NDE1: variants seen among roughly 807,000 people sequenced by gnomAD.
NDE1 encodes nuclear distribution protein nudE homolog 1.
In NDE1, 28 loss-of-function variants were observed where a neutral mutation model predicts 43.4. That is an observed-to-expected ratio of 0.65 (90% CI 0.48 to 0.89). The LOEUF (loss-of-function observed/expected upper bound fraction) is 0.89. Among genes scored for constraint, NDE1 ranks in the 40% least tolerant of loss-of-function variants. The pLI is 0.00. For missense variants in NDE1, 441 were observed against 434.1 expected, an observed-to-expected ratio of 1.02 and a Z score of -0.14; for synonymous variants, 184 against 172.0, an observed-to-expected ratio of 1.07 and a Z score of -0.55.
At chr16:15,679,817 C>G (rs942566021) in intron 4 of NDE1, among the ~76,000 whole-genome samples, 2 of 152,024 alleles carry the variant, frequency 1.3e-5, no homozygotes, top group Admixed American at 6.6e-5. Flanking sequence ...CTTGCTCTGT[C>G]GCCCAGGCTG....
intron 1 of NDE1, among the ~76,000 whole-genome samples, chr16:15,662,280 CTTT>C (rs774915905): frequency 2.4e-5 from 3 of 124,950 alleles, no homozygotes; most frequent in Admixed American, 8.2e-5. Flanking sequence ...TTTCTCTTTT[CTTT>C]TTTTTTTTTT....
intron 8 of NDE1, chr16:15,717,366 G>A (rs1006983136): frequency 2.5e-6 from 4 of 1,602,898 alleles, no homozygotes; most frequent in Non-Finnish European, 3.4e-6. Flanking sequence ...GGAGAGTGAA[G>A]GCCATGAGGC....
chr16:15,658,507 G>A (rs1040254668), intron 1 of NDE1, among the ~76,000 whole-genome samples: 1 of 149,922 alleles, frequency 6.7e-6, no homozygotes. Context: ...AGGTGTGGAG[G>A]ATGATGTCAG....
intron 1 of NDE1, among the ~76,000 whole-genome samples, chr16:15,664,326 T>A (rs2037192416): frequency 6.6e-6 from 1 of 152,134 alleles, no homozygotes; most frequent in African/African-American, 2.4e-5. Context: ...TTTGGCAGTA[T>A]TTAATCATTT....
chr16:15,657,959 G>T (rs930277492), intron 1 of NDE1, among the ~76,000 whole-genome samples: 1 of 152,178 alleles, frequency 6.6e-6, no homozygotes, highest in Non-Finnish European at 1.5e-5. Flanking sequence ...CATTCATTAA[G>T]ATTCCTGCGT....
intron 1 of NDE1, among the ~76,000 whole-genome samples, chr16:15,644,919 T>C: frequency 8.4e-6 from 1 of 118,418 alleles, no homozygotes; most frequent in South Asian, 2.9e-4. Flanking sequence ...TCCTTTTTAC[T>C]TTTTTTTTTT....
At chr16:15,675,863 G>C (rs980954162) in intron 3 of NDE1, among the ~76,000 whole-genome samples, 1 of 152,164 alleles carries the variant, frequency 6.6e-6, no homozygotes, top group East Asian at 1.9e-4. Flanking sequence ...TGCTCAGGAG[G>C]CTGGGGTTTG....
rs1428470834 is a variant in NDE1, at chr16:15,694,745, G to C, written c.795+489G>C. ...TGTGGGAGTTACTGCCAGACACTCA[G>C]AGCTCTGACTCGAAGCCCTGCTCTG... is the stretch of plus-strand genomic sequence containing the variant. On this transcript the variant is annotated intron_variant, in intron 7 of 8. Coordinates refer to ENST00000396354, the MANE Select transcript of NDE1 (RefSeq NM_017668.3). 7.1e-6 allele frequency: 7 copies of C among 985,244 alleles called. No homozygotes were observed. The African/African-American group carries it at 1.0e-4, about 15-fold the overall frequency. 61.0% of individuals were successfully genotyped at this position (985,244 alleles called of 1,614,324 possible).
At chr16:15,719,461 C>T in intron 8 of NDE1, 2 of 1,532,898 alleles carry the variant, frequency 1.3e-6, no homozygotes, top group South Asian at 2.2e-5. Flanking sequence ...AAGCGTGTGT[C>T]TTTCTAGACA....
At chr16:15,683,965 T>C (rs999281805) in intron 4 of NDE1, among the ~76,000 whole-genome samples, 1 of 152,206 alleles carries the variant, frequency 6.6e-6, no homozygotes, top group Non-Finnish European at 1.5e-5. Flanking sequence ...GCGCATTGGC[T>C]CACGCCTGTA....
chr16:15,697,087 C>T, intron 8 of NDE1: 1 of 981,310 alleles, frequency 1.0e-6, no homozygotes, highest in Non-Finnish European at 1.2e-6. Context: ...CTCACTCTGT[C>T]ACCTAGGCTA....
intron 3 of NDE1, among the ~76,000 whole-genome samples, chr16:15,669,761 C>G (rs1596570844): frequency 6.6e-6 from 1 of 152,306 alleles, no homozygotes; most frequent in East Asian, 1.9e-4. Context: ...TCCCAAAGTG[C>G]TGGGATTACA....
chr16:15,721,199 G>C, intron 8 of NDE1: 1 of 989,278 alleles, frequency 1.0e-6, no homozygotes, highest in East Asian at 2.6e-5. Flanking sequence ...TGACCCCTGA[G>C]AGTTCAGACC....
At chr16:15,655,991 AG>A (rs1312109412) in intron 1 of NDE1, among the ~76,000 whole-genome samples, 1 of 69,120 alleles carries the variant, frequency 1.4e-5, no homozygotes, top group Non-Finnish European at 2.7e-5. Flanking sequence ...GGGTGGGGGG[AG>A]GGGGGAGGGA....
rs78216636 is a variant in NDE1, at chr16:15,679,354, C to G, written c.386+1405C>G. 7.9e-3 allele frequency among the ~76,000 whole-genome samples: 1,205 copies of G among 152,260 alleles called. 20 individuals are homozygous for G. Among genetic ancestry groups the G allele is most frequent in the African/African-American group, 0.028 (1,172 of 41,570 alleles). ...TTCTCCTGTCCGTCTCGGACGCCATCTATACACATAACCTTTTTATATTGT... is the reference window on the plus strand; with the variant it reads ...TTCTCCTGTCCGTCTCGGACGCCATGTATACACATAACCTTTTTATATTGT... On this transcript the variant is annotated intron_variant, in intron 4 of 8. Coordinates refer to ENST00000396354, the MANE Select transcript of NDE1 (RefSeq NM_017668.3).
In NDE1 at chr16:15,725,356, T is replaced by G. The variant is rs1306012200; in HGVS notation, c.*1105T>G. The G allele has an allele frequency of 3.6e-6, 2 of 556,994 alleles. No individual in the cohort carries two copies. The highest frequency in any genetic ancestry group is 6.3e-6 in the Non-Finnish European group (2 of 317,108). 34.5% of individuals were successfully genotyped at this position (556,994 alleles called of 1,614,324 possible). ...AGCAGGTCTGAGAGTCCAGACGAGG[T>G]GCTCTGGCTGGTCCACTCTCTAAGG... On this transcript the variant is annotated 3_prime_UTR_variant, in exon 9 of 9. Coordinates refer to ENST00000396354, the MANE Select transcript of NDE1 (RefSeq NM_017668.3).
In NDE1 at chr16:15,721,039, C is replaced by T; in HGVS notation, c.948-3152C>T. On this transcript the variant is annotated intron_variant, in intron 8 of 8. Coordinates refer to ENST00000396354, the MANE Select transcript of NDE1 (RefSeq NM_017668.3). ...GTCTCCAGGGCCCGCTTGGACTTCTCCAGCTCATGGACCTGCCGGCAGAGC... is the reference window on the plus strand; with the variant it reads ...GTCTCCAGGGCCCGCTTGGACTTCTTCAGCTCATGGACCTGCCGGCAGAGC... 2.5e-6 allele frequency: 4 copies of T among 1,613,994 alleles called. No homozygotes were observed. Among genetic ancestry groups the T allele is most frequent in the Non-Finnish European group, 3.4e-6 (4 of 1,180,018 alleles).
chr16:15,704,748 G>C (rs1193363571), intron 8 of NDE1, among the ~76,000 whole-genome samples: 1 of 152,232 alleles, frequency 6.6e-6, no homozygotes, highest in African/African-American at 2.4e-5. Flanking sequence ...AGGGACTGCT[G>C]CATCTGTTTT....
intron 1 of NDE1, among the ~76,000 whole-genome samples, chr16:15,645,011 C>A (rs555729803): frequency 1.5e-4 from 23 of 151,628 alleles, no homozygotes; most frequent in Middle Eastern, 3.4e-3. Context: ...CCTCCACCTC[C>A]CGGGTTCAAC....
Sources: gnomAD v4.1 joint callset for allele counts (sites outside exome capture counted in the v4.1 genomes callset) on GRCh38, gnomAD v4.1.1 for gene constraint, MANE v1.5 for transcripts, NCBI Gene and HGNC (gene_info 2026-07-23, HGNC 2026-07-21) for gene names.